The following PCDHGA9 variants were observed in gnomAD, a reference collection of about 807,000 sequenced individuals.
PCDHGA9 encodes the protein protocadherin gamma subfamily A, 9, also known as protocadherin gamma-A9.
A neutral mutation model predicts 62.5 loss-of-function variants in PCDHGA9; 37 were observed. The ratio of observed to expected loss-of-function variants is 0.59; its 90% CI spans 0.46 to 0.78. PCDHGA9 has a LOEUF of 0.78. PCDHGA9 is among the 30% of genes least tolerant of loss of function. PCDHGA9 has a pLI of 0.00. For missense variants in PCDHGA9, 1,138 were observed against 1,166.2 expected, an observed-to-expected ratio of 0.98 and a Z score of 0.35; for synonymous variants, 459 against 484.6, an observed-to-expected ratio of 0.95 and a Z score of 0.69.
intron 1 of PCDHGA9, among the ~76,000 whole-genome samples, chr5:141,436,477 G>A (rs748354852): frequency 1.3e-5 from 2 of 152,168 alleles, no homozygotes; most frequent in Non-Finnish European, 2.9e-5. Context: ...ATGTATCATA[G>A]AAGGATAGCA....
intron 1 of PCDHGA9, among the ~76,000 whole-genome samples, chr5:141,458,921 C>CG (rs2098956905): frequency 6.6e-6 from 1 of 151,960 alleles, no homozygotes; most frequent in African/African-American, 2.4e-5. Flanking sequence ...TTTGTGGAGA[C>CG]GGGGTCTCAC....
chr5:141,425,194 A>G (rs1464968527), intron 1 of PCDHGA9, among the ~76,000 whole-genome samples: 1 of 152,206 alleles, frequency 6.6e-6, no homozygotes, highest in Non-Finnish European at 1.5e-5. Context: ...CAAACTGAGA[A>G]AAATGATGTA....
intron 1 of PCDHGA9, chr5:141,410,680 G>A: frequency 6.5e-7 from 1 of 1,535,692 alleles, no homozygotes; most frequent in Non-Finnish European, 8.7e-7. Flanking sequence ...TCATATTTTA[G>A]GCATACTACT....
intron 1 of PCDHGA9, chr5:141,413,818 G>T: frequency 6.2e-7 from 1 of 1,613,138 alleles, no homozygotes; most frequent in Non-Finnish European, 8.5e-7. Context: ...TCACCACCTG[G>T]TCCTCACCGC....
At chr5:141,444,599 A>G (rs373366708) in intron 1 of PCDHGA9, among the ~76,000 whole-genome samples, 2 of 152,108 alleles carry the variant, frequency 1.3e-5, no homozygotes, top group African/African-American at 2.4e-5. Flanking sequence ...CCTTATTTAA[A>G]ATTGATTTTT....
chr5:141,498,814 T>G (rs2099785952), intron 2 of PCDHGA9, among the ~76,000 whole-genome samples: 1 of 151,956 alleles, frequency 6.6e-6, no homozygotes. Flanking sequence ...ACACCTGTAG[T>G]CCCAGCTACT....
At chr5:141,446,401 T>C (rs1321106896) in intron 1 of PCDHGA9, among the ~76,000 whole-genome samples, 1 of 152,166 alleles carries the variant, frequency 6.6e-6, no homozygotes, top group African/African-American at 2.4e-5. Context: ...AGAAATCGAG[T>C]TGAGTTCCAG....
At chr5:141,433,208 C>T (rs780155661) in intron 1 of PCDHGA9, 90 of 1,293,816 alleles carry the variant, frequency 7.0e-5, no homozygotes, top group Middle Eastern at 5.9e-4. Flanking sequence ...AATCTTCTTT[C>T]TTTTTTTTTT....
chr5:141,485,625 G>C lies in PCDHGA9; in HGVS notation c.2425-9182G>C. On this transcript the variant is annotated intron_variant, in intron 1 of 3. Transcript: ENST00000573521. This position sits in a 1 kb window ranked among gnomAD's most constrained non-coding sequence, Gnocchi z 5.7. ...GGGGAGGCAGCTCCTCCAGGACAGC[G>C]TTTCCCGTTGGAAAAGGCTCAGGAT... The C allele has an allele frequency of 6.2e-7, 1 of 1,611,968 alleles. No individual in the cohort carries two copies. Among genetic ancestry groups the C allele is most frequent in the Non-Finnish European group, 8.5e-7 (1 of 1,178,504 alleles).
In PCDHGA9 at chr5:141,487,934, C is replaced by T; in HGVS notation, c.2425-6873C>T. 4.9e-6 allele frequency: 3 copies of T among 607,674 alleles called. No homozygotes were observed. The highest frequency in any genetic ancestry group is 2.1e-5 in the South Asian group (1 of 48,014). 37.6% of individuals were successfully genotyped at this position (607,674 alleles called of 1,614,324 possible). Reference sequence around the variant, plus strand: ...ACAGGAGGCTACAGTGCACAGGGTACAGTGCACCAGGCAGTCACTTGGACA... The same window carrying T: ...ACAGGAGGCTACAGTGCACAGGGTATAGTGCACCAGGCAGTCACTTGGACA... On this transcript the variant is annotated intron_variant, in intron 1 of 3. Transcript: ENST00000573521. This position sits in a 1 kb window ranked among gnomAD's most constrained non-coding sequence, Gnocchi z 5.0.
Position 141,490,532 on chromosome 5 carries a change from C to T in PCDHGA9, c.2425-4275C>T. Reference sequence around the variant, plus strand: ...GAGCTGCTGGCCAGCGATGCTGGTTCACCTTCCCTACACAAACATCTCACC... The same window carrying T: ...GAGCTGCTGGCCAGCGATGCTGGTTTACCTTCCCTACACAAACATCTCACC... On this transcript the variant is annotated intron_variant, in intron 1 of 3. Coordinates refer to ENST00000573521, the MANE Select transcript of PCDHGA9 (RefSeq NM_018921.3). This position sits in a 1 kb window ranked among gnomAD's most constrained non-coding sequence, Gnocchi z 5.4. 6.2e-7 allele frequency: 1 copy of T among 1,614,142 alleles called. No homozygotes were observed. Among genetic ancestry groups the T allele is most frequent in the Non-Finnish European group, 8.5e-7 (1 of 1,180,030 alleles).
intron 1 of PCDHGA9, chr5:141,419,724 G>A (rs200134846): frequency 1.9e-4 from 301 of 1,613,488 alleles, no homozygotes; most frequent in South Asian, 1.2e-3. Context: ...CTGGGGCTGC[G>A]AACAGGCGAG....
chr5:141,438,597 T>C (rs1343540280), intron 1 of PCDHGA9, among the ~76,000 whole-genome samples: 20 of 38,918 alleles, frequency 5.1e-4, no homozygotes, highest in African/African-American at 1.6e-3. Flanking sequence ...CATACATATA[T>C]ATATATATAT....
intron 1 of PCDHGA9, chr5:141,423,558 G>T: frequency 1.2e-6 from 2 of 1,613,580 alleles, no homozygotes; most frequent in Non-Finnish European, 1.7e-6. Context: ...CCAACTATGG[G>T]GACACGCTCA....
rs563876979 is a variant in PCDHGA9, at chr5:141,417,900, G to A, written c.2424+12524G>A. 5 of 1,583,452 alleles carry A rather than the reference G, an allele frequency of 3.2e-6. No individual in the cohort carries two copies. Among genetic ancestry groups the A allele is most frequent in the South Asian group, 2.3e-5 (2 of 88,062 alleles). On this transcript the variant is annotated intron_variant, in intron 1 of 3. Coordinates refer to ENST00000573521, the MANE Select transcript of PCDHGA9 (RefSeq NM_018921.3). ...GCGCAGAGGCGCCGGGCCGGCCCGC[G>A]GCAGGTACTATTTCCTTTGCTGCTG...
intron 3 of PCDHGA9, among the ~76,000 whole-genome samples, chr5:141,506,298 A>C (rs887906455): frequency 6.6e-6 from 1 of 151,936 alleles, no homozygotes; most frequent in Non-Finnish European, 1.5e-5. Context: ...AAAATACAAA[A>C]ATTAGCTGGG....
At chr5:141,465,867 A>G (rs1049493106) in intron 1 of PCDHGA9, among the ~76,000 whole-genome samples, 5 of 152,040 alleles carry the variant, frequency 3.3e-5, no homozygotes, top group African/African-American at 9.7e-5. Context: ...TCATGCCTGT[A>G]ATCCCAGCAC....
chr5:141,487,355 G>A lies in PCDHGA9; in HGVS notation c.2425-7452G>A. ...AGCCTGTGGAGTCACATGCTTTCCT[G>A]CTGGCACCTGTGCCTGTCTCACCAG... On this transcript the variant is annotated intron_variant, in intron 1 of 3. Coordinates refer to ENST00000573521, the MANE Select transcript of PCDHGA9 (RefSeq NM_018921.3). This position sits in a 1 kb window ranked among gnomAD's most constrained non-coding sequence, Gnocchi z 5.0. 1 of 1,614,150 alleles carries A rather than the reference G, an allele frequency of 6.2e-7. No homozygotes were observed. Among genetic ancestry groups the A allele is most frequent in the South Asian group, 1.1e-5 (1 of 91,090 alleles).
intron 1 of PCDHGA9, among the ~76,000 whole-genome samples, chr5:141,451,284 G>C (rs950768919): frequency 2.6e-5 from 4 of 152,186 alleles, no homozygotes; most frequent in African/African-American, 9.7e-5. Flanking sequence ...GAGTGCCTCT[G>C]CCTCAAAGTC....
Sources: allele counts gnomAD v4.1 joint callset (sites outside exome capture counted in the v4.1 genomes callset), GRCh38; gene constraint gnomAD v4.1.1; non-coding constraint Gnocchi (gnomAD v3.1); transcripts MANE v1.5; gene names NCBI Gene and HGNC (gene_info 2026-07-23, HGNC 2026-07-21).